KCNH7: variants seen among roughly 807,000 people sequenced by gnomAD.
KCNH7 encodes potassium voltage-gated channel subfamily H member 7.
Under a neutral mutation model 120.8 loss-of-function variants are expected in KCNH7, and 49 were observed. The ratio of observed to expected loss-of-function variants is 0.41; its 90% CI spans 0.32 to 0.51. KCNH7 has a LOEUF of 0.51. Ranked by LOEUF, KCNH7 falls within the 20% of genes least tolerant of loss-of-function variation. KCNH7 has a pLI of 0.38. For missense variants in KCNH7, 1,097 were observed against 1,446.6 expected, an observed-to-expected ratio of 0.76 and a Z score of 3.92; for synonymous variants, 547 against 516.1, an observed-to-expected ratio of 1.06 and a Z score of -0.81.
chr2:162,789,710 G>A (rs1683851909), intron 2 of KCNH7, among the ~76,000 whole-genome samples: 2 of 151,626 alleles, frequency 1.3e-5, no homozygotes, highest in South Asian at 4.1e-4. Context: ...AAGAAAATTA[G>A]AAAACTTAAA....
At chr2:162,440,070 T>G (rs961426601) in intron 7 of KCNH7, among the ~76,000 whole-genome samples, 2 of 151,692 alleles carry the variant, frequency 1.3e-5, no homozygotes, top group African/African-American at 4.8e-5. Flanking sequence ...GAAGAGAGAC[T>G]CATTAATAAG....
chr2:162,676,688 T>C (rs1685540113), intron 2 of KCNH7, among the ~76,000 whole-genome samples: 1 of 151,486 alleles, frequency 6.6e-6, no homozygotes, highest in Non-Finnish European at 1.5e-5. Context: ...AACTAAATGG[T>C]GCAAACAGAA....
chr2:162,609,422 G>A (rs974804763), intron 2 of KCNH7, among the ~76,000 whole-genome samples: 5 of 151,636 alleles, frequency 3.3e-5, no homozygotes, highest in African/African-American at 9.7e-5. Context: ...TCATACATAC[G>A]GATTTTCAAT....
intron 2 of KCNH7, among the ~76,000 whole-genome samples, chr2:162,807,734 G>A (rs1573912974): frequency 6.6e-6 from 1 of 151,988 alleles, no homozygotes; most frequent in Non-Finnish European, 1.5e-5. Context: ...CCAGACTGGA[G>A]TGCAGTGGCG....
chr2:162,427,236 C>T (rs1687894262), intron 8 of KCNH7, among the ~76,000 whole-genome samples: 1 of 151,978 alleles, frequency 6.6e-6, no homozygotes, highest in Non-Finnish European at 1.5e-5. Flanking sequence ...TTTTAAACAC[C>T]TAAGAGTGGA....
intron 2 of KCNH7, among the ~76,000 whole-genome samples, chr2:162,767,342 G>T (rs1195394659): frequency 6.6e-6 from 1 of 152,004 alleles, no homozygotes; most frequent in Non-Finnish European, 1.5e-5. Flanking sequence ...TCCCTTCATA[G>T]AAATTTTACC....
intron 2 of KCNH7, among the ~76,000 whole-genome samples, chr2:162,575,493 G>T (rs1693638841): frequency 6.6e-6 from 1 of 152,040 alleles, no homozygotes; most frequent in Non-Finnish European, 1.5e-5. Flanking sequence ...CTGCTATGCT[G>T]CCAGTTGAGT....
At chr2:162,469,657 A>G (rs771610164) in intron 6 of KCNH7, among the ~76,000 whole-genome samples, 3 of 152,022 alleles carry the variant, frequency 2.0e-5, no homozygotes, top group Non-Finnish European at 4.4e-5. Flanking sequence ...AAAGCTTATT[A>G]AAAGGTAGAT....
At chr2:162,655,792 A>G (rs909032798) in intron 2 of KCNH7, among the ~76,000 whole-genome samples, 2 of 152,106 alleles carry the variant, frequency 1.3e-5, no homozygotes, top group Non-Finnish European at 2.9e-5. Context: ...ACTCCGTCTC[A>G]AAAAACAAAA....
chr2:162,769,779 A>G (rs1336626153), intron 2 of KCNH7, among the ~76,000 whole-genome samples: 1 of 152,140 alleles, frequency 6.6e-6, no homozygotes, highest in Admixed American at 6.6e-5. Context: ...CAAGGGGTTA[A>G]AAGTTTTGAA....
intron 2 of KCNH7, among the ~76,000 whole-genome samples, chr2:162,667,474 T>A (rs1300512664): frequency 6.6e-6 from 1 of 152,184 alleles, no homozygotes; most frequent in Non-Finnish European, 1.5e-5. Context: ...ATTTCTCCTG[T>A]GCCTTTACCT....
intron 2 of KCNH7, among the ~76,000 whole-genome samples, chr2:162,630,512 A>G (rs929949289): frequency 6.6e-6 from 1 of 152,070 alleles, no homozygotes; most frequent in African/African-American, 2.4e-5. Flanking sequence ...AGTGAAAAAA[A>G]TGTAATGTCA....
At chr2:162,698,515 A>G (rs957397173) in intron 2 of KCNH7, among the ~76,000 whole-genome samples, 2 of 151,852 alleles carry the variant, frequency 1.3e-5, no homozygotes, top group Non-Finnish European at 2.9e-5. Flanking sequence ...TGTATTTCAC[A>G]TAAAATTTCC....
chr2:162,753,125 T>C (rs1688663840), intron 2 of KCNH7, among the ~76,000 whole-genome samples: 1 of 151,712 alleles, frequency 6.6e-6, no homozygotes, highest in African/African-American at 2.4e-5. Flanking sequence ...AAACCCTAAA[T>C]TTTAAAATTG....
intron 6 of KCNH7, among the ~76,000 whole-genome samples, chr2:162,457,169 T>C (rs1166377111): frequency 6.6e-6 from 1 of 152,106 alleles, no homozygotes; most frequent in East Asian, 1.9e-4. Context: ...ACAACATGAA[T>C]AGGATTCTAA....
intron 2 of KCNH7, among the ~76,000 whole-genome samples, chr2:162,693,146 T>C (rs1291250092): frequency 6.6e-6 from 1 of 152,220 alleles, no homozygotes; most frequent in African/African-American, 2.4e-5. Flanking sequence ...GTTATCTTCA[T>C]GCACTATTTG....
chr2:162,814,779 T>A (rs529574056), intron 2 of KCNH7, among the ~76,000 whole-genome samples: 1 of 152,306 alleles, frequency 6.6e-6, no homozygotes, highest in East Asian at 1.9e-4. Context: ...TGTCAGAGAT[T>A]TCACTGGCAT....
chr2:162,394,166 C>T (rs1454340234), intron 12 of KCNH7, among the ~76,000 whole-genome samples: 3 of 151,870 alleles, frequency 2.0e-5, no homozygotes, highest in South Asian at 2.1e-4. Context: ...TCTTAATCTG[C>T]GATGTCCTTG....
chr2:162,404,258 G>A (rs1687144584), intron 9 of KCNH7, among the ~76,000 whole-genome samples: 1 of 151,914 alleles, frequency 6.6e-6, no homozygotes, highest in Non-Finnish European at 1.5e-5. Flanking sequence ...ACCTTCCACT[G>A]TGTATTTGAA....
Sources: allele counts gnomAD v4.1 joint callset (sites outside exome capture counted in the v4.1 genomes callset), GRCh38; gene constraint gnomAD v4.1.1; transcripts MANE v1.5; gene names NCBI Gene and HGNC (gene_info 2026-07-23, HGNC 2026-07-21).